Variants in NKAIN2 observed in about 807,000 individuals in gnomAD.
NKAIN2 encodes the protein sodium/potassium transporting ATPase interacting 2.
Under a neutral mutation model 32.6 loss-of-function variants are expected in NKAIN2, and 14 were observed. The observed-to-expected ratio is 0.43, with a 90% CI of 0.28 to 0.67. The LOEUF is 0.67. Ranked by LOEUF, NKAIN2 falls within the 30% of genes least tolerant of loss-of-function variation. NKAIN2 has a pLI of 0.17. For missense variants in NKAIN2, 198 were observed against 258.3 expected, an observed-to-expected ratio of 0.77 and a Z score of 1.60; for synonymous variants, 80 against 87.2, an observed-to-expected ratio of 0.92 and a Z score of 0.46.
In NKAIN2 at chr6:124,322,685, T is replaced by C. The variant is rs1797248012; in HGVS notation, c.193-32582T>C. 2.0e-5 allele frequency among the ~76,000 whole-genome samples: 3 copies of C among 152,232 alleles called. No homozygotes were observed. The South Asian group carries it at 6.2e-4, about 31-fold the overall frequency. On this transcript the variant is annotated intron_variant, in intron 2 of 6. Transcript: ENST00000368417. ...TATTGTAGGACATTTCAGTTGGTTC[T>C]AATTTGAGGCTGTTACAAATGAAGT...
chr6:124,017,176 C>T (rs1780613478), intron 1 of NKAIN2, among the ~76,000 whole-genome samples: 1 of 152,088 alleles, frequency 6.6e-6, no homozygotes, highest in Non-Finnish European at 1.5e-5. Flanking sequence ...GGGGAACTCC[C>T]CTTTATAAAA....
At chr6:124,012,627 T>C (rs1200653005) in intron 1 of NKAIN2, among the ~76,000 whole-genome samples, 1 of 152,086 alleles carries the variant, frequency 6.6e-6, no homozygotes, top group Non-Finnish European at 1.5e-5. Context: ...CTCTACATGA[T>C]TTTGAGAGCT....
At chr6:124,696,222 A>G (rs962211812) in intron 4 of NKAIN2, among the ~76,000 whole-genome samples, 1 of 152,082 alleles carries the variant, frequency 6.6e-6, no homozygotes, top group Non-Finnish European at 1.5e-5. Flanking sequence ...TACCTTGGAG[A>G]AGATGAATTC....
intron 1 of NKAIN2, among the ~76,000 whole-genome samples, chr6:123,816,303 A>G (rs1033229680): frequency 1.3e-5 from 2 of 152,090 alleles, no homozygotes; most frequent in African/African-American, 4.8e-5. Flanking sequence ...AGAATAGGAT[A>G]TAGGTCTATA....
At chr6:124,490,789 AT>A (rs1402207830) in intron 3 of NKAIN2, among the ~76,000 whole-genome samples, 11 of 151,784 alleles carry the variant, frequency 7.2e-5, no homozygotes, top group Admixed American at 6.6e-4. Context: ...GAAAATAAAT[AT>A]TTTTATGTTT....
At chr6:124,079,286 C>T (rs916024753) in intron 1 of NKAIN2, among the ~76,000 whole-genome samples, 1 of 152,106 alleles carries the variant, frequency 6.6e-6, no homozygotes, top group Non-Finnish European at 1.5e-5. Context: ...CCACTACACT[C>T]CAGCCTGGGC....
chr6:123,919,258 A>C (rs1474005594), intron 1 of NKAIN2, among the ~76,000 whole-genome samples: 1 of 152,112 alleles, frequency 6.6e-6, no homozygotes, highest in Admixed American at 6.6e-5. Context: ...GGATGTGAAA[A>C]GCAAGTGCAT....
chr6:124,300,935 T>C (rs1796266912), intron 2 of NKAIN2, among the ~76,000 whole-genome samples: 1 of 152,178 alleles, frequency 6.6e-6, no homozygotes, highest in Non-Finnish European at 1.5e-5. Context: ...ACCCATTTTC[T>C]GGGTATAAAT....
chr6:124,814,012 T>C (rs1047075463), intron 5 of NKAIN2, among the ~76,000 whole-genome samples: 2 of 152,186 alleles, frequency 1.3e-5, no homozygotes, highest in African/African-American at 4.8e-5. Flanking sequence ...CAGAAAAAGA[T>C]GGTATTATGG....
At chr6:124,478,694 A>C (rs1777330140) in intron 3 of NKAIN2, among the ~76,000 whole-genome samples, 1 of 152,224 alleles carries the variant, frequency 6.6e-6, no homozygotes, top group Admixed American at 6.5e-5. Flanking sequence ...AAATGATTGA[A>C]TACATGAATT....
intron 4 of NKAIN2, among the ~76,000 whole-genome samples, chr6:124,765,513 C>G (rs1391052064): frequency 1.3e-5 from 2 of 152,172 alleles, no homozygotes; most frequent in African/African-American, 4.8e-5. Flanking sequence ...CACACTGGAT[C>G]CTCTTATGTC....
At chr6:123,915,873 C>T (rs1775469549) in intron 1 of NKAIN2, among the ~76,000 whole-genome samples, 3 of 152,100 alleles carry the variant, frequency 2.0e-5, no homozygotes, top group African/African-American at 7.2e-5. Flanking sequence ...AAGAGAAAAA[C>T]TAATTCTATG....
chr6:124,817,234 T>G (rs967729188), intron 5 of NKAIN2, among the ~76,000 whole-genome samples: 7 of 151,748 alleles, frequency 4.6e-5, no homozygotes, highest in Non-Finnish European at 8.8e-5. Context: ...CATTATGAGA[T>G]TTTTTGGCAT....
intron 2 of NKAIN2, among the ~76,000 whole-genome samples, chr6:124,311,718 T>C (rs1796725297): frequency 6.6e-6 from 1 of 152,160 alleles, no homozygotes; most frequent in South Asian, 2.1e-4. Context: ...TCTTAATTGG[T>C]ATCGTTAGTG....
At chr6:123,927,752 A>G (rs1384629184) in intron 1 of NKAIN2, among the ~76,000 whole-genome samples, 1 of 152,178 alleles carries the variant, frequency 6.6e-6, no homozygotes, top group African/African-American at 2.4e-5. Flanking sequence ...TCACATGGCA[A>G]ACATGTGTCT....
intron 4 of NKAIN2, among the ~76,000 whole-genome samples, chr6:124,782,963 T>A (rs1779340947): frequency 6.6e-6 from 1 of 152,108 alleles, no homozygotes. Flanking sequence ...GGTTAAGGAC[T>A]CCCCTATGGC....
chr6:123,845,604 G>A (rs1014778849), intron 1 of NKAIN2, among the ~76,000 whole-genome samples: 10 of 152,162 alleles, frequency 6.6e-5, no homozygotes, highest in Non-Finnish European at 1.3e-4. Flanking sequence ...GCCAAATGTG[G>A]ATTGCAAATA....
At chr6:124,272,495 T>C (rs998905963) in intron 1 of NKAIN2, among the ~76,000 whole-genome samples, 1 of 152,216 alleles carries the variant, frequency 6.6e-6, no homozygotes, top group African/African-American at 2.4e-5. Context: ...TTTCAGAGAA[T>C]GTATGGAAAT....
At chr6:124,713,535 G>A (rs1775602880) in intron 4 of NKAIN2, among the ~76,000 whole-genome samples, 1 of 152,038 alleles carries the variant, frequency 6.6e-6, no homozygotes, top group South Asian at 2.1e-4. Context: ...TAATGGAGGG[G>A]GTAGAGCTTA....
Sources: gnomAD v4.1 joint callset for allele counts (sites outside exome capture counted in the v4.1 genomes callset) on GRCh38, gnomAD v4.1.1 for gene constraint, MANE v1.5 for transcripts, NCBI Gene and HGNC (gene_info 2026-07-23, HGNC 2026-07-21) for gene names.